Variants in TES observed in about 807,000 individuals in gnomAD.
TES encodes testin LIM domain protein.
Under a neutral mutation model 48.2 loss-of-function variants are expected in TES, and 41 were observed. The observed-to-expected ratio is 0.85, with a 90% CI of 0.66 to 1.10. The LOEUF (loss-of-function observed/expected upper bound fraction) is 1.10. Among genes scored for constraint, TES ranks in the 50% least tolerant of loss-of-function variants. The pLI is 0.00. For synonymous variants in TES, 162 were observed against 174.9 expected, an observed-to-expected ratio of 0.93 and a Z score of 0.58; for missense variants, 463 against 515.1, an observed-to-expected ratio of 0.90 and a Z score of 0.98.
intron 1 of TES, among the ~76,000 whole-genome samples, chr7:116,215,778 C>G (rs569696105): frequency 1.3e-4 from 20 of 152,214 alleles, no homozygotes; most frequent in Non-Finnish European, 2.6e-4. Flanking sequence ...TGAGAGAAAG[C>G]CTTACACATA....
intron 1 of TES, 96 bp downstream of exon 1, chr7:116,210,830 GC>G: frequency 3.6e-6 from 4 of 1,112,020 alleles, no homozygotes; most frequent in Non-Finnish European, 4.6e-6. Context: ...GGGCTCGCGG[GC>G]CCCCCGGTGT....
At chr7:116,228,140 C>T (rs1260657902) in intron 1 of TES, among the ~76,000 whole-genome samples, 1 of 151,874 alleles carries the variant, frequency 6.6e-6, no homozygotes, top group Non-Finnish European at 1.5e-5. Flanking sequence ...ATTCCATTCC[C>T]ATTTCTTATT....
At chr7:116,227,088 TTTTATTTA>T (rs10562977) in intron 1 of TES, among the ~76,000 whole-genome samples, 5,106 of 140,162 alleles carry the variant, frequency 0.036, 233 homozygotes, top group African/African-American at 0.095. Context: ...ACACTTTTTA[TTTTATTTA>T]TTTATTTATT....
At chr7:116,229,771 T>C (rs1799674295) in intron 1 of TES, among the ~76,000 whole-genome samples, 1 of 152,220 alleles carries the variant, frequency 6.6e-6, no homozygotes, top group Admixed American at 6.5e-5. Flanking sequence ...ATAATATAAA[T>C]TGGATTTAAC....
At chr7:116,248,263 A>G (rs894819453) in intron 2 of TES, among the ~76,000 whole-genome samples, 5 of 152,110 alleles carry the variant, frequency 3.3e-5, no homozygotes. Flanking sequence ...TCTATTGTGA[A>G]TACTACTGTG....
intron 1 of TES, among the ~76,000 whole-genome samples, chr7:116,232,666 C>T (rs76106857): frequency 6.6e-6 from 1 of 152,064 alleles, no homozygotes; most frequent in African/African-American, 2.4e-5. Context: ...TTTGTTTAAC[C>T]TACATTATTT....
At chr7:116,240,247 T>C (rs1393386133) in intron 2 of TES, among the ~76,000 whole-genome samples, 2 of 152,204 alleles carry the variant, frequency 1.3e-5, no homozygotes, top group Non-Finnish European at 2.9e-5. Context: ...CTGTGAATGC[T>C]GGCAGCATGT....
At chr7:116,235,131 A>T (rs541872023) in intron 2 of TES, among the ~76,000 whole-genome samples, 1 of 152,258 alleles carries the variant, frequency 6.6e-6, no homozygotes, top group Admixed American at 6.5e-5. Flanking sequence ...TTGTATTCTT[A>T]GTAGAGATGG....
At chr7:116,213,447 G>A (rs1230612172) in intron 1 of TES, among the ~76,000 whole-genome samples, 1 of 152,168 alleles carries the variant, frequency 6.6e-6, no homozygotes, top group African/African-American at 2.4e-5. Context: ...CAGATGAAAA[G>A]CATCATTGTT....
intron 6 of TES, among the ~76,000 whole-genome samples, chr7:116,256,124 G>A (rs1800095336): frequency 6.6e-6 from 1 of 152,092 alleles, no homozygotes; most frequent in South Asian, 2.1e-4. Flanking sequence ...CTAACTTATA[G>A]ATTACAGAGC....
At chr7:116,244,159 T>C (rs1451878090) in intron 2 of TES, among the ~76,000 whole-genome samples, 1 of 152,148 alleles carries the variant, frequency 6.6e-6, no homozygotes, top group Non-Finnish European at 1.5e-5. Context: ...CCAAATCTCA[T>C]GTCCTCACAT....
At chr7:116,240,481 CT>C (rs1025163739) in intron 2 of TES, among the ~76,000 whole-genome samples, 8 of 151,992 alleles carry the variant, frequency 5.3e-5, no homozygotes, top group African/African-American at 1.7e-4. Flanking sequence ...TTCCCTCCCC[CT>C]CGCTCCTCCC....
chr7:116,251,782 G>A lies in TES; in HGVS notation c.725G>A (p.Ser242Asn), dbSNP rs1164928952. The A allele has an allele frequency of 6.2e-7, 1 of 1,614,168 alleles. No individual in the cohort carries two copies. Among genetic ancestry groups the A allele is most frequent in the African/African-American group, 1.3e-5 (1 of 75,038 alleles). Reference protein sequence around the residue: ...TQYSCYCCKLSMKEGDPAIYA... With the variant: ...TQYSCYCCKLNMKEGDPAIYA... ...CAGTCCTGCTATTGCTGCAAACTGA[G>A]TATGAAAGAAGGTGACCCAGCCATC... The change falls in exon 5 of 7, where the codon AGT becomes AAT. Residue 242 changes from serine (S) to asparagine (N), a missense_variant. By Grantham distance (46) the Ser-to-Asn change is conservative. Coordinates refer to ENST00000358204, the MANE Select transcript of TES (RefSeq NM_015641.4).
Position 116,249,154 on chromosome 7 carries a change from G to T in TES, c.248G>T (p.Gly83Val). The T allele has an allele frequency of 1.2e-6, 2 of 1,614,018 alleles. No individual in the cohort carries two copies. Among genetic ancestry groups the T allele is most frequent in the South Asian group, 2.2e-5 (2 of 91,070 alleles). ...CTGATTGCAAAACTAAAGTCAGATG[G>T]AATTCCCATGTATAAACGCAATGTT... Reference protein sequence around the residue: ...TTLIAKLKSDGIPMYKRNVMI... With the variant: ...TTLIAKLKSDVIPMYKRNVMI... Residue 83 changes from glycine to valine, a missense_variant, in exon 3 of 7, where the codon GGA becomes GTA. Gly to Val is a moderately radical substitution (Grantham distance 109, BLOSUM62 -3). Transcript: ENST00000358204.
intron 1 of TES, among the ~76,000 whole-genome samples, chr7:116,230,249 G>A (rs1799680718): frequency 6.6e-6 from 1 of 152,124 alleles, no homozygotes; most frequent in South Asian, 2.1e-4. Flanking sequence ...CTTGCTCTCT[G>A]TCTGTGATGT....
intron 1 of TES, among the ~76,000 whole-genome samples, chr7:116,216,949 G>C (rs1055121580): frequency 6.6e-6 from 1 of 151,818 alleles, no homozygotes; most frequent in Non-Finnish European, 1.5e-5. Context: ...AATTTTAAAA[G>C]ATTAAAAAAA....
chr7:116,220,308 C>G (rs1799541674), intron 1 of TES, among the ~76,000 whole-genome samples: 1 of 152,232 alleles, frequency 6.6e-6, no homozygotes, highest in Admixed American at 6.6e-5. Flanking sequence ...TGATGTTATT[C>G]ATTGTTACTT....
chr7:116,254,540 C>A (rs1800066066), intron 6 of TES, among the ~76,000 whole-genome samples: 1 of 151,994 alleles, frequency 6.6e-6, no homozygotes. Flanking sequence ...TCGAGACCAG[C>A]CTGGCCAACA....
At chr7:116,226,150 T>C (rs1307016927) in intron 1 of TES, among the ~76,000 whole-genome samples, 2 of 152,210 alleles carry the variant, frequency 1.3e-5, no homozygotes, top group African/African-American at 2.4e-5. Flanking sequence ...AGATATGTTA[T>C]GATAAAGATT....
Sources: allele counts gnomAD v4.1 joint callset (sites outside exome capture counted in the v4.1 genomes callset), GRCh38; gene constraint gnomAD v4.1.1; transcripts MANE v1.5; gene names NCBI Gene and HGNC (gene_info 2026-07-23, HGNC 2026-07-21).